The following CDC14B variants were observed in gnomAD, a reference collection of about 807,000 sequenced individuals.
The protein encoded by CDC14B is cell division cycle 14B.
A neutral mutation model predicts 64.2 loss-of-function variants in CDC14B; 22 were observed. The ratio of observed to expected loss-of-function variants is 0.34; its 90% CI spans 0.24 to 0.49. The LOEUF (loss-of-function observed/expected upper bound fraction) is 0.49. CDC14B is among the 20% of genes least tolerant of loss of function. The pLI, the probability that CDC14B is intolerant of heterozygous loss-of-function variation, is 0.99. For synonymous variants in CDC14B, 191 were observed against 215.8 expected (o/e 0.89, Z 1.01); for missense variants, 498 against 629.9 (o/e 0.79, Z 2.24).
At chr9:96,607,438 T>A (rs989649375) in intron 1 of CDC14B, among the ~76,000 whole-genome samples, 16 of 141,334 alleles carry the variant, frequency 1.1e-4, no homozygotes, top group Non-Finnish European at 2.1e-4. Context: ...TTTTTTTTTT[T>A]AAGATAGAGT....
At chr9:96,495,470 C>T (rs1293213415), downstream of CDC14B, among the ~76,000 whole-genome samples, 6 of 140,720 alleles carry the variant, frequency 4.3e-5, no homozygotes, top group South Asian at 2.5e-4. Flanking sequence ...TGGAGTTGTG[C>T]GATGAACAAC....
intron 9 of CDC14B, among the ~76,000 whole-genome samples, chr9:96,528,855 G>A (rs1386377441): frequency 1.3e-5 from 2 of 152,144 alleles, no homozygotes; most frequent in African/African-American, 2.4e-5. Context: ...TTCCCTATAA[G>A]TCAAAAATGC....
At chr9:96,559,026 T>C (rs1169604684) in intron 4 of CDC14B, among the ~76,000 whole-genome samples, 1 of 152,168 alleles carries the variant, frequency 6.6e-6, no homozygotes, top group Non-Finnish European at 1.5e-5. Flanking sequence ...AGTACTCAAC[T>C]CACTCTTCTC....
chr9:96,497,437 G>A (rs1294632995), downstream of CDC14B, among the ~76,000 whole-genome samples: 1 of 152,246 alleles, frequency 6.6e-6, no homozygotes, highest in Non-Finnish European at 1.5e-5. Context: ...AGGGAGGCTA[G>A]GACGTAAGGG....
At chr9:96,545,653 A>G (rs1361436873) in intron 5 of CDC14B, among the ~76,000 whole-genome samples, 2 of 151,392 alleles carry the variant, frequency 1.3e-5, no homozygotes, top group Admixed American at 6.6e-5. Context: ...ATCTTTTCCA[A>G]TCAAGTTAAA....
intron 12 of CDC14B, among the ~76,000 whole-genome samples, chr9:96,518,831 C>T (rs1836176753): frequency 1.3e-5 from 2 of 152,054 alleles, no homozygotes; most frequent in African/African-American, 4.8e-5. Context: ...TCTAGTAAAC[C>T]TCATGGCTTA....
intron 1 of CDC14B, among the ~76,000 whole-genome samples, chr9:96,601,724 T>C (rs1345971546): frequency 5.3e-4 from 56 of 105,170 alleles, no homozygotes; most frequent in African/African-American, 2.2e-3. Flanking sequence ...ACCCAGGAGG[T>C]GGGGGTTTGC....
chr9:96,544,302 TA>T, intron 5 of CDC14B, among the ~76,000 whole-genome samples: 1 of 152,320 alleles, frequency 6.6e-6, no homozygotes, highest in Non-Finnish European at 1.5e-5. Flanking sequence ...GGAAAATGAA[TA>T]TTCCACAAAT....
At chr9:96,508,925 TAGAAG>T (rs1249296805) in intron 13 of CDC14B, among the ~76,000 whole-genome samples, 1 of 152,204 alleles carries the variant, frequency 6.6e-6, no homozygotes, top group Non-Finnish European at 1.5e-5. Context: ...TCATGTCTAT[TAGAAG>T]AGATCGTTTT....
chr9:96,595,801 G>C (rs990262869), intron 1 of CDC14B, among the ~76,000 whole-genome samples: 2 of 152,186 alleles, frequency 1.3e-5, no homozygotes, highest in Non-Finnish European at 2.9e-5. Context: ...GCCTGGCTGG[G>C]AGAGGTGAGG....
chr9:96,588,546 G>A (rs16911374), intron 1 of CDC14B, among the ~76,000 whole-genome samples: 12 of 152,298 alleles, frequency 7.9e-5, no homozygotes, highest in African/African-American at 2.4e-4. Context: ...GAGCGCAGTG[G>A]CGTAATCAAG....
At chr9:96,571,178 AATT>A (rs1376942052) in intron 1 of CDC14B, among the ~76,000 whole-genome samples, 4 of 150,604 alleles carry the variant, frequency 2.7e-5, no homozygotes, top group Non-Finnish European at 4.4e-5. Flanking sequence ...ACGAAAAAAA[AATT>A]TTTTTTTTTT....
intron 7 of CDC14B, among the ~76,000 whole-genome samples, chr9:96,535,329 T>A (rs1025178213): frequency 1.7e-4 from 26 of 151,978 alleles, no homozygotes; most frequent in East Asian, 3.9e-4. Flanking sequence ...ATTAAAAAAA[T>A]AAATAAATAA....
At chr9:96,596,837 C>G (rs947207268) in intron 1 of CDC14B, among the ~76,000 whole-genome samples, 8 of 146,304 alleles carry the variant, frequency 5.5e-5, no homozygotes, top group African/African-American at 2.5e-5. Flanking sequence ...CCAGCCTGGA[C>G]GGCAGATGGA....
At chr9:96,499,796 T>C (rs1030820359), downstream of CDC14B, among the ~76,000 whole-genome samples, 4 of 152,106 alleles carry the variant, frequency 2.6e-5, no homozygotes, top group African/African-American at 9.7e-5. Context: ...GGTGTCCTCT[T>C]GAGAGGGGAG....
chr9:96,523,697 T>C lies in CDC14B; in HGVS notation c.975A>G (p.Ile325Met), dbSNP rs1429757400. Residue 325 changes from isoleucine (I) to methionine (M), a missense_variant, in exon 10 of 14, where the codon ATA becomes ATG. Ile to Met is a conservative substitution (Grantham distance 10). Coordinates refer to ENST00000375241, the MANE Select transcript of CDC14B (RefSeq NM_033331.4). ...TGTAATGCTTCATGATGTAGCAGGCTATCAGAGTGCCCGTGCGACCAAGGC... is the reference window on the plus strand; with the variant it reads ...TGTAATGCTTCATGATGTAGCAGGCCATCAGAGTGCCCGTGCGACCAAGGC... Reference protein sequence around the residue: ...KAGLGRTGTLIACYIMKHYRM... With the variant: ...KAGLGRTGTLMACYIMKHYRM... 2 of 1,613,892 alleles carry C rather than the reference T, an allele frequency of 1.2e-6. No homozygotes were observed. Among genetic ancestry groups the C allele is most frequent in the Non-Finnish European group, 1.7e-6 (2 of 1,179,832 alleles).
intron 4 of CDC14B, among the ~76,000 whole-genome samples, chr9:96,557,422 C>T (rs1232804026): frequency 6.6e-6 from 1 of 152,226 alleles, no homozygotes; most frequent in Non-Finnish European, 1.5e-5. Flanking sequence ...TGGATTCTTA[C>T]CCACTGCGTC....
chr9:96,593,989 C>T (rs1016352302), intron 1 of CDC14B, among the ~76,000 whole-genome samples: 1 of 152,158 alleles, frequency 6.6e-6, no homozygotes, highest in Non-Finnish European at 1.5e-5. Flanking sequence ...AACAAAAAAT[C>T]TGTAACAAAA....
At chr9:96,538,066 T>C (rs1587869850) in intron 7 of CDC14B, among the ~76,000 whole-genome samples, 2 of 152,162 alleles carry the variant, frequency 1.3e-5, no homozygotes, top group South Asian at 4.1e-4. Flanking sequence ...TTTCTGTAAC[T>C]TGCAACCAGA....
Sources: gnomAD v4.1 joint callset for allele counts (sites outside exome capture counted in the v4.1 genomes callset) on GRCh38, gnomAD v4.1.1 for gene constraint, MANE v1.5 for transcripts, NCBI Gene and HGNC (gene_info 2026-07-23, HGNC 2026-07-21) for gene names.